The following APOOL variants were observed in gnomAD, a reference collection of about 807,000 sequenced individuals.
The protein encoded by APOOL is MICOS complex subunit MIC27.
Under a neutral mutation model 23.1 loss-of-function variants are expected in APOOL, and 12 were observed. The ratio of observed to expected loss-of-function variants is 0.52; its 90% CI spans 0.33 to 0.84. APOOL has a LOEUF of 0.84. Among genes scored for constraint, APOOL ranks in the 40% least tolerant of loss-of-function variants. The pLI, the probability that APOOL is intolerant of heterozygous loss-of-function variation, is 0.02. For missense variants in APOOL, 212 were observed against 199.6 expected (o/e 1.06, Z -0.37); for synonymous variants, 77 against 69.9 (o/e 1.10, Z -0.51).
At chrX:85,067,050 G>T (rs1923483686) in intron 5 of APOOL, 77 bp from the exon 6 acceptor site, 2 of 629,070 alleles carry the variant, frequency 3.2e-6, no homozygotes, top group Non-Finnish European at 2.4e-6. Context: ...GGAGAGCAAA[G>T]AAAGCATTAC....
At position 85,088,003 on chromosome X, in the gene APOOL, T is replaced by C. The variant is rs150664579; in HGVS notation, c.*325T>C. ...TAAAATCTAAAAATACATATATATATATGTATGTATAAATACATACATATT... is the reference window on the plus strand; with the variant it reads ...TAAAATCTAAAAATACATATATATACATGTATGTATAAATACATACATATT... On this transcript the variant is annotated 3_prime_UTR_variant, in exon 9 of 9. Coordinates refer to ENST00000373173, the MANE Select transcript of APOOL (RefSeq NM_198450.6). The C allele has an allele frequency of 3.3e-3, 358 of 107,083 alleles. 3 individuals are homozygous for C. The highest frequency in any genetic ancestry group is 0.012 in the African/African-American group (341 of 27,950). The allele number at this position is 107,083 out of a possible 1,213,427, so 8.8% of individuals were successfully genotyped here.
At chrX:85,080,432 T>C (rs1411267439) in intron 8 of APOOL, 11 of 112,032 alleles carry the variant, frequency 9.8e-5, no homozygotes, top group African/African-American at 2.9e-4. Flanking sequence ...GAGTTCTAAT[T>C]TGATTGCACT....
rs753635129 is a variant in APOOL, at chrX:85,052,025, A to G, written c.240+517A>G. Among the ~76,000 whole-genome samples the G allele has an allele frequency of 5.4e-5, 6 of 111,948 alleles. No individual in the cohort carries two copies. In the South Asian group the frequency reaches 2.2e-3, roughly 42 times the overall value. ...ATTGTTAAGTCACTAAGGCCAGCTC[A>G]GTTTTAAAGGGAAGGGAATTAGATG... On this transcript the variant is annotated intron_variant, in intron 3 of 8. Transcript: ENST00000373173.
At chrX:85,018,765 T>C (rs1170612631) in intron 1 of APOOL, among the ~76,000 whole-genome samples, 1 of 111,635 alleles carries the variant, frequency 9.0e-6, no homozygotes, top group African/African-American at 3.3e-5. Flanking sequence ...TTTGTTGAAC[T>C]TGTTTTGTTT....
At chrX:85,017,937 T>C (rs1921534350) in intron 1 of APOOL, among the ~76,000 whole-genome samples, 1 of 111,880 alleles carries the variant, frequency 8.9e-6, no homozygotes, top group South Asian at 3.7e-4. Context: ...TTCTTTTGGT[T>C]TTCCTGGTAT....
Position 85,091,529 on chromosome X carries a change from A to AG in APOOL, c.*3853dup, listed in dbSNP as rs755650151. ...TTTCTATGCCCATGAAGTGCCTGGT[A>AG]GGTAGTAGGAACTCACACGTTCTGC... is the stretch of plus-strand genomic sequence containing the variant. On this transcript the variant is annotated 3_prime_UTR_variant, in exon 9 of 9. Transcript: ENST00000373173. 14 of 112,291 alleles carry AG rather than the reference A, an allele frequency of 1.2e-4. No homozygotes were observed. The highest frequency in any genetic ancestry group is 4.2e-4 in the African/African-American group (13 of 30,940). The allele number at this position is 112,291 out of a possible 1,213,427, so 9.3% of individuals were successfully genotyped here.
chrX:85,013,162 C>A (rs1921349554), intron 1 of APOOL, among the ~76,000 whole-genome samples: 1 of 111,807 alleles, frequency 8.9e-6, no homozygotes, highest in Non-Finnish European at 1.9e-5. Flanking sequence ...TTTTGCATTT[C>A]TATGGTATCA....
chrX:85,079,699 G>A (rs58868208), intron 8 of APOOL, among the ~76,000 whole-genome samples: 1 of 111,288 alleles, frequency 9.0e-6, no homozygotes, highest in Admixed American at 9.6e-5. Flanking sequence ...GGTAGATTTC[G>A]GCTGTGAAAC....
chrX:85,032,138 CATAAA>C (rs1191699657), intron 1 of APOOL, among the ~76,000 whole-genome samples: 1 of 112,301 alleles, frequency 8.9e-6, no homozygotes, highest in Non-Finnish European at 1.9e-5. Context: ...AAAAAATACT[CATAAA>C]ATACTTTAGC....
chrX:85,056,419 T>C (rs1446125491), intron 5 of APOOL, among the ~76,000 whole-genome samples: 1 of 111,881 alleles, frequency 8.9e-6, no homozygotes, highest in African/African-American at 3.2e-5. Flanking sequence ...AAATGACAAA[T>C]TATAATTTTA....
intron 5 of APOOL, among the ~76,000 whole-genome samples, chrX:85,057,014 GA>G (rs1922991402): frequency 9.0e-6 from 1 of 111,540 alleles, no homozygotes. Flanking sequence ...CTTTCACTTA[GA>G]TTATCAAGAT....
intron 1 of APOOL, among the ~76,000 whole-genome samples, chrX:85,007,342 A>G (rs1921114451): frequency 9.0e-6 from 1 of 111,044 alleles, no homozygotes; most frequent in Non-Finnish European, 1.9e-5. Flanking sequence ...ATGATAGAAG[A>G]TCTAGGGAAT....
At chrX:85,087,404 A>AT (rs1420868818) in intron 8 of APOOL, among the ~76,000 whole-genome samples, 186 bp from the exon 9 acceptor site, 1 of 110,374 alleles carries the variant, frequency 9.1e-6, no homozygotes, top group East Asian at 2.8e-4. Flanking sequence ...TCCTTGTTTC[A>AT]TTTTTTCACA....
Position 85,042,034 on chromosome X carries a change from T to C in APOOL, c.16-4412T>C, listed in dbSNP as rs184546296. Among the ~76,000 whole-genome samples, 670 of 110,269 alleles carry C rather than the reference T, an allele frequency of 6.1e-3. 5 individuals carry two copies. Among genetic ancestry groups the C allele is most frequent in the African/African-American group, 0.021 (633 of 30,241 alleles). On this transcript the variant is annotated intron_variant, in intron 1 of 8. Transcript: ENST00000373173. Reference sequence around the variant, plus strand: ...GCTTCTAATCAGCCATCTTCACACCTCCCAAAACAAAAATTCTTAATAGCA... The same window carrying C: ...GCTTCTAATCAGCCATCTTCACACCCCCCAAAACAAAAATTCTTAATAGCA...
chrX:85,086,335 G>T (rs1924289133), intron 8 of APOOL, among the ~76,000 whole-genome samples: 3 of 111,325 alleles, frequency 2.7e-5, no homozygotes, highest in Non-Finnish European at 5.6e-5. Context: ...TAACCCAAAA[G>T]ACTCATTTGT....
In APOOL at chrX:85,074,328, C is replaced by T. The variant is rs1302220268; in HGVS notation, c.655C>T (p.His219Tyr). ...TGCAAAAACAACTCACGTCTTGAAA[C>T]ACTCAGTGCCCTTGCCAACAGAACT... ...VPAKTTHVLK[H>Y]SVPLPTELSS... The change falls in exon 8 of 9, where the codon CAC becomes TAC. Residue 219 changes from histidine to tyrosine, a missense_variant. Transcript: ENST00000373173. 26 of 1,209,166 alleles carry T rather than the reference C, an allele frequency of 2.2e-5. No homozygotes were observed. The highest frequency in any genetic ancestry group is 2.9e-5 in the Non-Finnish European group (26 of 894,393).
rs981039379 is a variant in APOOL, at chrX:85,042,513, C to G, written c.16-3933C>G. Among the ~76,000 whole-genome samples, 23 of 111,672 alleles carry G rather than the reference C, an allele frequency of 2.1e-4. No homozygotes were observed. The Admixed American group carries it at 2.2e-3, about 11-fold the overall frequency. Reference sequence around the variant, plus strand: ...TGATGGCTTCACTGCTGGATTTTACCAAATATTTAAAGAAGAAATACCAGT... The same window carrying G: ...TGATGGCTTCACTGCTGGATTTTACGAAATATTTAAAGAAGAAATACCAGT... On this transcript the variant is annotated intron_variant, in intron 1 of 8. Coordinates refer to ENST00000373173, the MANE Select transcript of APOOL (RefSeq NM_198450.6).
At chrX:85,030,629 ATTC>A (rs1922006673) in intron 1 of APOOL, among the ~76,000 whole-genome samples, 1 of 112,101 alleles carries the variant, frequency 8.9e-6, no homozygotes, top group East Asian at 2.8e-4. Context: ...ACTGGCAGCC[ATTC>A]TTCTAAATGA....
chrX:85,049,532 C>T (rs768357543), intron 2 of APOOL, among the ~76,000 whole-genome samples: 1 of 111,409 alleles, frequency 9.0e-6, no homozygotes, highest in Admixed American at 9.6e-5. Context: ...GCTTGTAATC[C>T]CAGCACTTTA....
Sources: gnomAD v4.1 joint callset for allele counts (sites outside exome capture counted in the v4.1 genomes callset) on GRCh38, gnomAD v4.1.1 for gene constraint, MANE v1.5 for transcripts, NCBI Gene and HGNC (gene_info 2026-07-23, HGNC 2026-07-21) for gene names.